PHIP: variants seen among roughly 807,000 people sequenced by gnomAD.
PHIP encodes PHIP subunit of CUL4-Ring ligase complex, also known as PH-interacting protein.
In PHIP, 54 loss-of-function variants were observed where a neutral mutation model predicts 236.8. The ratio of observed to expected loss-of-function variants is 0.23; its 90% CI spans 0.18 to 0.29. The LOEUF is 0.29. PHIP is among the 10% of genes least tolerant of loss of function. The probability of loss-of-function intolerance (pLI) is 1.00; values close to 1 mark genes in which losing one functional copy is unlikely to be tolerated. For synonymous variants in PHIP, 756 were observed against 718.9 expected, an observed-to-expected ratio of 1.05 and a Z score of -0.83; for missense variants, 1,370 against 2,190.8, an observed-to-expected ratio of 0.63 and a Z score of 7.48.
intron 6 of PHIP, among the ~76,000 whole-genome samples, chr6:79,045,450 C>G (rs562876069): frequency 6.6e-6 from 1 of 152,188 alleles, no homozygotes; most frequent in African/African-American, 2.4e-5. Flanking sequence ...GTCTATCTCT[C>G]CTATCAGATC....
intron 18 of PHIP, among the ~76,000 whole-genome samples, chr6:78,997,853 TA>T (rs201919893): frequency 6.6e-6 from 1 of 152,068 alleles, no homozygotes; most frequent in African/African-American, 2.4e-5. Context: ...ATCATTACTT[TA>T]AAAAAATGCT....
intron 4 of PHIP, among the ~76,000 whole-genome samples, chr6:79,069,390 T>A (rs971147161): frequency 6.6e-6 from 1 of 151,942 alleles, no homozygotes; most frequent in African/African-American, 2.4e-5. Context: ...TTAACTGTAA[T>A]AGCTTCTCCA....
In PHIP at chr6:79,033,395, T is replaced by C. The variant is rs187153586; in HGVS notation, c.601-7231A>G. On this transcript the variant is annotated intron_variant, in intron 7 of 39. Transcript: ENST00000275034. ...TGTTTCACCTGTAATTGAGAATCTA[T>C]TGCTTAGTGTAGCAACTTTCTTCAA... 1.9e-3 allele frequency among the ~76,000 whole-genome samples: 293 copies of C among 152,360 alleles called. 1 individual carries two copies. The highest frequency in any genetic ancestry group is 3.4e-3 in the Middle Eastern group (1 of 294).
chr6:79,052,087 A>G (rs1772822040), intron 6 of PHIP, among the ~76,000 whole-genome samples: 1 of 152,210 alleles, frequency 6.6e-6, no homozygotes, highest in South Asian at 2.1e-4. Flanking sequence ...ACATGAAACA[A>G]GGACTTACAA....
intron 4 of PHIP, chr6:79,068,230 A>C (rs958252608): frequency 6.6e-6 from 1 of 152,298 alleles, no homozygotes; most frequent in African/African-American, 2.4e-5. Context: ...TGGGAGGCTG[A>C]GGCTGATGGA....
At chr6:78,987,239 A>G (rs914848678) in intron 21 of PHIP, among the ~76,000 whole-genome samples, 1 of 152,102 alleles carries the variant, frequency 6.6e-6, no homozygotes, top group South Asian at 2.1e-4. Context: ...TATTTAGAGG[A>G]AACTCTTTCA....
chr6:79,063,004 T>C (rs1014100994), intron 4 of PHIP, among the ~76,000 whole-genome samples: 1 of 152,202 alleles, frequency 6.6e-6, no homozygotes, highest in Non-Finnish European at 1.5e-5. Flanking sequence ...GTGTAGTACT[T>C]ACCATATTAA....
chr6:78,951,972 C>A (rs1774185736), intron 35 of PHIP, among the ~76,000 whole-genome samples: 1 of 152,148 alleles, frequency 6.6e-6, no homozygotes, highest in Non-Finnish European at 1.5e-5. Flanking sequence ...TTGGAGCAGT[C>A]TCAGGTCTCC....
At chr6:79,023,590 T>C (rs1250713789) in intron 9 of PHIP, among the ~76,000 whole-genome samples, 2 of 151,924 alleles carry the variant, frequency 1.3e-5, no homozygotes, top group African/African-American at 4.8e-5. Flanking sequence ...AAAATACATA[T>C]AAATATCTAT....
chr6:78,969,794 AACC>A (rs745425565), intron 27 of PHIP, 38 bp downstream of exon 27: 2 of 944,106 alleles, frequency 2.1e-6, no homozygotes, highest in Non-Finnish European at 3.2e-6. Flanking sequence ...AAGAAAAAAA[AACC>A]ACATCAAACA....
At chr6:78,944,716 T>C (rs755523510) in intron 39 of PHIP, among the ~76,000 whole-genome samples, 18 of 152,210 alleles carry the variant, frequency 1.2e-4, no homozygotes, top group Non-Finnish European at 1.8e-4. Flanking sequence ...AATGAAGAAA[T>C]GTCTTAGACA....
In PHIP at chr6:79,042,879, A is replaced by G. The variant is rs35686657; in HGVS notation, c.564T>C (p.Cys188=). ...GTCTGCCAGTTCGATCAAAAGTTAC[A>G]CAGTACACAGATGACAAGTGTCCAA... ...RILGHLSSVY[C]VTFDRTGRRI... is the part of the protein sequence containing the mutation. Residue 188 remains cysteine (C), a synonymous_variant, in exon 7 of 40, where the codon TGT becomes TGC. Transcript: ENST00000275034. The G allele has an allele frequency of 4.0e-3, 6,383 of 1,607,844 alleles. 202 individuals are homozygous for G. In the African/African-American group the frequency reaches 0.072, roughly 18 times the overall value.
At chr6:78,970,232 G>A in intron 25 of PHIP, 59 bp from the exon 26 acceptor site, 1 of 1,443,734 alleles carries the variant, frequency 6.9e-7, no homozygotes, top group Admixed American at 1.9e-5. Context: ...AAAATAGACT[G>A]CTAAACATTG....
intron 4 of PHIP, among the ~76,000 whole-genome samples, chr6:79,064,630 A>G (rs80190187): frequency 0.037 from 5,618 of 152,178 alleles, 103 homozygotes; most frequent in Middle Eastern, 0.058. Flanking sequence ...TCTTCTCTTA[A>G]CTTTTGTGAC....
At chr6:79,047,909 G>A (rs1449289409) in intron 6 of PHIP, among the ~76,000 whole-genome samples, 1 of 151,520 alleles carries the variant, frequency 6.6e-6, no homozygotes, top group Admixed American at 6.6e-5. Flanking sequence ...TCTTCCTCAA[G>A]TAACTATTTG....
At chr6:78,977,972 A>C (rs1368800221) in intron 24 of PHIP, among the ~76,000 whole-genome samples, 2 of 152,180 alleles carry the variant, frequency 1.3e-5, no homozygotes, top group Non-Finnish European at 2.9e-5. Context: ...TCTGTTGGAC[A>C]CCAGATAACA....
At chr6:79,016,098 C>T in intron 13 of PHIP, among the ~76,000 whole-genome samples, 1 of 151,886 alleles carries the variant, frequency 6.6e-6, no homozygotes. Context: ...TTGCTGTCAT[C>T]CCCTGCTGAC....
rs1458175592 is a variant in PHIP at position 78,955,049 on chromosome 6, T to A, written c.3904-86A>T. The A allele has an allele frequency of 4.2e-6, 4 of 955,438 alleles. No individual in the cohort carries two copies. In the Admixed American group the frequency reaches 1.2e-4, roughly 28 times the overall value. The allele number at this position is 955,438 out of a possible 1,614,324, so 59.2% of individuals were successfully genotyped here. ...TTTAATGTAGTCTTAGATAATTGGG[T>A]AATATACAATAATTCAAACAAAAGA... On this transcript the variant is annotated intron_variant, in intron 34 of 39. Coordinates refer to ENST00000275034, the MANE Select transcript of PHIP (RefSeq NM_017934.7).
chr6:78,989,045 A>G (rs146200486), intron 20 of PHIP, among the ~76,000 whole-genome samples: 14 of 152,268 alleles, frequency 9.2e-5, no homozygotes, highest in Non-Finnish European at 1.6e-4. Flanking sequence ...AGTACAACAC[A>G]GTGATGAAGA....
Sources: allele counts gnomAD v4.1 joint callset (sites outside exome capture counted in the v4.1 genomes callset), GRCh38; gene constraint gnomAD v4.1.1; transcripts MANE v1.5; gene names NCBI Gene and HGNC (gene_info 2026-07-23, HGNC 2026-07-21).